POLR3F: variants seen among roughly 807,000 people sequenced by gnomAD.
The protein encoded by POLR3F is DNA-directed RNA polymerase III subunit RPC6.
In POLR3F, 31 loss-of-function variants were observed where a neutral mutation model predicts 43.6. That is an observed-to-expected ratio of 0.71 (90% CI 0.53 to 0.96). POLR3F has a LOEUF of 0.96. POLR3F is among the 40% of genes least tolerant of loss of function. POLR3F has a pLI of 0.00. For missense variants in POLR3F, 316 were observed against 391.7 expected (o/e 0.81, Z 1.63); for synonymous variants, 114 against 132.5 (o/e 0.86, Z 0.96).
chr20:18,483,066 C>T (rs774510230), intron 8 of POLR3F, among the ~76,000 whole-genome samples: 23 of 151,312 alleles, frequency 1.5e-4, no homozygotes, highest in African/African-American at 2.2e-4. Context: ...ATGTTCTTCC[C>T]GCTCCCCCCT....
At position 18,484,104 on chromosome 20, in the gene POLR3F, C is replaced by A. The variant is rs2059825261; in HGVS notation, c.*546C>A. ...GAGAGTGGAACATGCCTTTTCCGCA[C>A]AATATTAATTCCTTTTTGTATCAGA... is the stretch of plus-strand genomic sequence containing the variant. On this transcript the variant is annotated 3_prime_UTR_variant, in exon 9 of 9. Transcript: ENST00000377603. The A allele has an allele frequency of 2.5e-6, 1 of 398,196 alleles. No homozygotes were observed. The highest frequency in any genetic ancestry group is 1.3e-4 in the South Asian group (1 of 7,828). The allele number at this position is 398,196 out of a possible 1,614,324, so 24.7% of individuals were successfully genotyped here.
chr20:18,467,707 A>C, intron 1 of POLR3F, 139 bp downstream of exon 1: 1 of 1,504,800 alleles, frequency 6.6e-7, no homozygotes, highest in South Asian at 1.3e-5. Flanking sequence ...GGGGTTCTGG[A>C]CCCACTTGTT....
At chr20:18,481,867 T>A in intron 8 of POLR3F, 57 bp downstream of exon 8, 2 of 1,101,510 alleles carry the variant, frequency 1.8e-6, no homozygotes, top group Non-Finnish European at 2.7e-6. Context: ...AGTGCCACAT[T>A]AAGAAACAGA....
At chr20:18,482,648 TA>T (rs1205459879) in intron 8 of POLR3F, among the ~76,000 whole-genome samples, 8 of 152,170 alleles carry the variant, frequency 5.3e-5, no homozygotes, top group Non-Finnish European at 8.8e-5. Context: ...CCAAATATTG[TA>T]AGTGCCAACT....
At chr20:18,481,271 G>C (rs1026185835) in intron 7 of POLR3F, among the ~76,000 whole-genome samples, 2 of 151,766 alleles carry the variant, frequency 1.3e-5, no homozygotes, top group South Asian at 4.2e-4. Flanking sequence ...GATGGAGTTT[G>C]GCTCTTGTTG....
In POLR3F at chr20:18,480,110, A is replaced by G; in HGVS notation, c.502A>G (p.Ser168Gly). The G allele has an allele frequency of 6.2e-7, 1 of 1,609,422 alleles. No homozygotes were observed. Among genetic ancestry groups the G allele is most frequent in the Non-Finnish European group, 8.5e-7 (1 of 1,175,786 alleles). Residue 168 changes from serine (S) to glycine (G), a missense_variant, in exon 6 of 9, where the codon AGT (serine) becomes GGT (glycine). This residue lies in a region of POLR3F where 109 missense variants were observed against 177.7 expected (regional missense o/e 0.61). Coordinates refer to ENST00000377603, the MANE Select transcript of POLR3F (RefSeq NM_006466.4). The part of the protein sequence containing the change: ...DRSVTGGAWY[S>G]DQDFESEFVE... ...GTCTGTGACTGGTGGAGCCTGGTAC[A>G]GTGACCAGGATTTTGAATCTGAATT...
chr20:18,471,465 T>C (rs2059750526), intron 2 of POLR3F, among the ~76,000 whole-genome samples: 1 of 152,330 alleles, frequency 6.6e-6, no homozygotes, highest in South Asian at 2.1e-4. Flanking sequence ...TGAAGTCACC[T>C]GTGTGTTTCC....
At chr20:18,467,681 C>G (rs1271044317) in intron 1 of POLR3F, 113 bp downstream of exon 1, 1 of 1,548,410 alleles carries the variant, frequency 6.5e-7, no homozygotes, top group Non-Finnish European at 8.7e-7. Context: ...GGTGAGCACG[C>G]GGGAAAAACG....
rs560150108 is a variant in POLR3F at position 18,471,838 on chromosome 20, G to T, written c.181-1004G>T. ...TCTCTACTAAAATACAAATATCAGC[G>T]TGGCATGGTGGCATACACCTGTAAT... On this transcript the variant is annotated intron_variant, in intron 2 of 8. Coordinates refer to ENST00000377603, the MANE Select transcript of POLR3F (RefSeq NM_006466.4). Among the ~76,000 whole-genome samples the T allele has an allele frequency of 2.0e-5, 3 of 152,234 alleles. No individual in the cohort carries two copies. In the South Asian group the frequency reaches 6.2e-4, roughly 32 times the overall value.
chr20:18,473,442 G>T lies in POLR3F; in HGVS notation c.300G>T (p.Glu100Asp). 1 of 1,482,980 alleles carries T rather than the reference G, an allele frequency of 6.7e-7. No individual in the cohort carries two copies. The highest frequency in any genetic ancestry group is 1.1e-5 in the South Asian group (1 of 88,096). The allele number at this position is 1,482,980 out of a possible 1,614,324, so 91.9% of individuals were successfully genotyped here. Residue 100 changes from glutamate to aspartate, a missense_variant, in exon 4 of 9, where the codon GAG (glutamate) becomes GAT (aspartate). Coordinates refer to ENST00000377603, the MANE Select transcript of POLR3F (RefSeq NM_006466.4). ...AAAAACTAGTATATCAAATCATAGA[G>T]GATGCAGGAAATAAAGGTAAGCATG... Reference protein sequence around the residue: ...NQEKLVYQIIEDAGNKGIWSR... With the variant: ...NQEKLVYQIIDDAGNKGIWSR...
rs1290164770 is a variant in POLR3F, at chr20:18,475,165, T to A, written c.407T>A (p.Ile136Asn). ...AAGAATCTGGAAAGTAAAAAGCTTATCAAAGCTGTTAAGTCTGTAGCAGTG... is the reference window on the plus strand; with the variant it reads ...AAGAATCTGGAAAGTAAAAAGCTTAACAAAGCTGTTAAGTCTGTAGCAGTG... ...ILKNLESKKL[I>N]KAVKSVAASK... Residue 136 changes from isoleucine (I) to asparagine (N), a missense_variant, in exon 5 of 9, where the codon ATC (isoleucine) becomes AAC (asparagine). Ile to Asn is a moderately radical substitution (Grantham distance 149, BLOSUM62 -3). Transcript: ENST00000377603. The A allele has an allele frequency of 6.8e-7, 1 of 1,471,588 alleles. No homozygotes were observed. 91.2% of individuals were successfully genotyped at this position (1,471,588 alleles called of 1,614,324 possible).
intron 5 of POLR3F, among the ~76,000 whole-genome samples, chr20:18,478,853 C>T (rs2059794084): frequency 6.6e-6 from 1 of 152,142 alleles, no homozygotes; most frequent in Admixed American, 6.5e-5. Flanking sequence ...GTAGAAAATG[C>T]TCCTGACGGC....
At position 18,481,655 on chromosome 20, in the gene POLR3F, A is replaced by G. The variant is rs1329704907; in HGVS notation, c.718A>G (p.Asn240Asp). Reference sequence around the variant, plus strand: ...CATGGAAGACATTGAAACCATCCTGAATACACTCATTTATGATGGAAAAGT... The same window carrying G: ...CATGGAAGACATTGAAACCATCCTGGATACACTCATTTATGATGGAAAAGT... ...LSMEDIETIL[N>D]TLIYDGKVEM... Residue 240 changes from asparagine (N) to aspartate (D), a missense_variant, in exon 8 of 9, where the codon AAT (asparagine) becomes GAT (aspartate). Physicochemically the swap from Asn to Asp is conservative, Grantham distance 23 (BLOSUM62 1). Around this residue, in one of 3 missense-constraint regions of POLR3F, gnomAD observed 109 missense variants for 177.7 expected, o/e 0.61. Coordinates refer to ENST00000377603, the MANE Select transcript of POLR3F (RefSeq NM_006466.4). The G allele has an allele frequency of 1.2e-6, 2 of 1,612,910 alleles. No individual in the cohort carries two copies. The highest frequency in any genetic ancestry group is 1.7e-6 in the Non-Finnish European group (2 of 1,178,984).
intron 8 of POLR3F, among the ~76,000 whole-genome samples, chr20:18,482,276 A>C (rs1568582682): frequency 6.6e-6 from 1 of 151,740 alleles, no homozygotes; most frequent in Non-Finnish European, 1.5e-5. Context: ...GTGCCCCTGT[A>C]CCTGGCCCCC....
intron 4 of POLR3F, 46 bp from the exon 5 acceptor site, chr20:18,475,029 T>C (rs1486906758): frequency 1.2e-6 from 1 of 800,548 alleles, no homozygotes; most frequent in African/African-American, 1.7e-5. Flanking sequence ...ACATTAAAAA[T>C]CCATGAAAAC....
chr20:18,472,743 G>A (rs2059760105), intron 2 of POLR3F, 99 bp from the exon 3 acceptor site: 2 of 630,494 alleles, frequency 3.2e-6, no homozygotes, highest in Non-Finnish European at 5.7e-6. Context: ...AGCAGGTTTT[G>A]AAAAATTAAG....
In POLR3F at chr20:18,483,646, T is replaced by C. The variant is rs912308293; in HGVS notation, c.*88T>C. The C allele has an allele frequency of 8.8e-6, 5 of 567,748 alleles. No homozygotes were observed. Among genetic ancestry groups the C allele is most frequent in the Non-Finnish European group, 1.6e-5 (5 of 321,790 alleles). The allele number at this position is 567,748 out of a possible 1,614,324, so 35.2% of individuals were successfully genotyped here. A position where few individuals can be genotyped will look rare whatever the true frequency, so the allele number is the denominator to read the frequency against. On this transcript the variant is annotated 3_prime_UTR_variant, in exon 9 of 9. Coordinates refer to ENST00000377603, the MANE Select transcript of POLR3F (RefSeq NM_006466.4). The stretch of plus-strand genomic sequence containing the variant: ...ATTCATGATGGAACACGAAATCTCC[T>C]TGAAAGCAAACTTCACAATAATGGA...
At chr20:18,469,331 G>A in intron 2 of POLR3F, 1 of 325,660 alleles carries the variant, frequency 3.1e-6, no homozygotes, top group Admixed American at 4.3e-5. Context: ...AGTGGCAGAG[G>A]AAGATTGAAT....
chr20:18,478,900 T>C (rs191357623), intron 5 of POLR3F, among the ~76,000 whole-genome samples: 2,225 of 152,110 alleles, frequency 0.015, 35 homozygotes, highest in Non-Finnish European at 0.02. Context: ...CCCAGCACTT[T>C]GGGAGGCCAA....
Sources: allele counts gnomAD v4.1 joint callset (sites outside exome capture counted in the v4.1 genomes callset), GRCh38; gene constraint gnomAD v4.1.1; regional missense constraint gnomAD v4.1.1; transcripts MANE v1.5; gene names NCBI Gene and HGNC (gene_info 2026-07-23, HGNC 2026-07-21).